Variants in RBM44 observed in about 807,000 individuals in gnomAD.
The protein encoded by RBM44 is RNA binding motif protein 44.
A neutral mutation model predicts 105.1 loss-of-function variants in RBM44; 66 were observed. The ratio of observed to expected loss-of-function variants is 0.63; its 90% CI spans 0.52 to 0.77. The LOEUF (loss-of-function observed/expected upper bound fraction) is 0.77. Ranked by LOEUF, RBM44 falls within the 30% of genes least tolerant of loss-of-function variation. RBM44 has a pLI of 0.00. For synonymous variants in RBM44, 365 were observed against 417.6 expected (o/e 0.87, Z 1.54); for missense variants, 1,122 against 1,207.8 (o/e 0.93, Z 1.05).
Position 237,834,319 on chromosome 2 carries a change from A to G in RBM44, c.3074A>G (p.His1025Arg). The G allele has an allele frequency of 1.9e-6, 3 of 1,580,030 alleles. No individual in the cohort carries two copies. Among genetic ancestry groups the G allele is most frequent in the Non-Finnish European group, 2.6e-6 (3 of 1,161,788 alleles). ...INALQEVRIR[H>R]KGFLNGLSIT... is the part of the protein sequence containing the mutation. ...GCACTTCAGGAAGTGAGAATAAGACATAAAGGTTTTCTGAATGGCTTATCT... is the reference window on the plus strand; with the variant it reads ...GCACTTCAGGAAGTGAGAATAAGACGTAAAGGTTTTCTGAATGGCTTATCT... Residue 1025 changes from histidine to arginine, a missense_variant, in exon 15 of 16, where the codon CAT (histidine) becomes CGT (arginine). Physicochemically the swap from His to Arg is conservative, Grantham distance 29. Transcript: ENST00000316997.
chr2:237,821,659 T>C, intron 7 of RBM44, 84 bp from the exon 8 acceptor site: 1 of 964,072 alleles, frequency 1.0e-6, no homozygotes, highest in African/African-American at 1.6e-5. Flanking sequence ...TTAGCTACTT[T>C]GAAATATACA....
intron 13 of RBM44, among the ~76,000 whole-genome samples, chr2:237,830,922 A>C (rs2061896778): frequency 7.9e-6 from 1 of 125,806 alleles, no homozygotes; most frequent in Non-Finnish European, 1.6e-5. Context: ...GTCTATCTAC[A>C]AAAAAAAAAA....
intron 13 of RBM44, among the ~76,000 whole-genome samples, chr2:237,833,127 G>A (rs1446164360): frequency 2.9e-4 from 44 of 152,164 alleles, no homozygotes; most frequent in Admixed American, 2.9e-3. Flanking sequence ...CATACCAACT[G>A]TGTACACTAT....
At chr2:237,831,290 TG>T (rs1347926090) in intron 13 of RBM44, among the ~76,000 whole-genome samples, 5 of 151,726 alleles carry the variant, frequency 3.3e-5, no homozygotes, top group African/African-American at 4.8e-5. Context: ...TGTTTTGTTT[TG>T]TTTTTTTGAG....
In RBM44 at chr2:237,824,633, A is replaced by G. The variant is rs536007249; in HGVS notation, c.2449+214A>G. 2.0e-4 allele frequency among the ~76,000 whole-genome samples: 31 copies of G among 152,298 alleles called. No individual in the cohort carries two copies. In the South Asian group the frequency reaches 5.2e-3, roughly 25 times the overall value. ...TGCTAAAAGCTTAAATCCAAGATTT[A>G]GTTAACAGGTAGATACCCGCATTCT... On this transcript the variant is annotated intron_variant, in intron 10 of 15. Coordinates refer to ENST00000316997, the MANE Select transcript of RBM44 (RefSeq NM_001080504.3).
chr2:237,831,137 A>T (rs1478574267), intron 13 of RBM44, among the ~76,000 whole-genome samples: 1 of 147,808 alleles, frequency 6.8e-6, no homozygotes, highest in Admixed American at 6.8e-5. Context: ...CCACTCACAG[A>T]CCTTCGCCTG....
intron 13 of RBM44, among the ~76,000 whole-genome samples, chr2:237,831,521 C>A (rs1439565733): frequency 6.6e-6 from 1 of 152,064 alleles, no homozygotes; most frequent in Admixed American, 6.6e-5. Flanking sequence ...GACCTCAAGT[C>A]ATCTGCTCAC....
At chr2:237,834,509 AT>A (rs2061937280) in intron 15 of RBM44, 86 bp downstream of exon 15, 1 of 633,306 alleles carries the variant, frequency 1.6e-6, no homozygotes, top group Admixed American at 3.9e-5. Context: ...TAAAAAACAT[AT>A]TAAATTTAAA....
In RBM44 at chr2:237,818,628, G is replaced by A. The variant is rs749616991; in HGVS notation, c.1677+32G>A. On this transcript the variant is annotated intron_variant, in intron 3 of 15. Transcript: ENST00000316997. This position sits in a 1 kb window ranked among gnomAD's most constrained non-coding sequence, Gnocchi z 4.6. ...TCAATATGAGTAATAATAAAATTTG[G>A]ACTTTATAAAGAGACAGTGTATGCT... is the stretch of plus-strand genomic sequence containing the variant. 76 of 1,404,270 alleles carry A rather than the reference G, an allele frequency of 5.4e-5. No homozygotes were observed. The highest frequency in any genetic ancestry group is 6.6e-5 in the Non-Finnish European group (70 of 1,056,576). The allele number at this position is 1,404,270 out of a possible 1,614,324, so 87.0% of individuals were successfully genotyped here. A position where few individuals can be genotyped will look rare whatever the true frequency, so the allele number is the denominator to read the frequency against.
At chr2:237,799,177 A>G (rs2061518876) in intron 1 of RBM44, 1 of 152,306 alleles carries the variant, frequency 6.6e-6, no homozygotes, top group African/African-American at 2.4e-5. Flanking sequence ...GGGGAAAGCT[A>G]GAAATTCGCA....
chr2:237,838,246 G>A (rs570609702), intron 15 of RBM44, among the ~76,000 whole-genome samples: 7 of 152,276 alleles, frequency 4.6e-5, no homozygotes, highest in Admixed American at 4.6e-4. Context: ...CGCAACAGAA[G>A]TCACCAAACA....
rs772831556 is a variant in RBM44 at position 237,818,728 on chromosome 2, G to T, written c.1677+132G>T. On this transcript the variant is annotated intron_variant, in intron 3 of 15. Transcript: ENST00000316997. This position sits in a 1 kb window ranked among gnomAD's most constrained non-coding sequence, Gnocchi z 4.6. The stretch of plus-strand genomic sequence containing the variant: ...TAGATGAGGGGAGTAAATTAAAAAG[G>T]GAGTAAATTAAAAAGTAAATTAAAA... The T allele has an allele frequency of 1.4e-6, 1 of 697,882 alleles. No individual in the cohort carries two copies. The highest frequency in any genetic ancestry group is 2.3e-6 in the Non-Finnish European group (1 of 436,696). 43.2% of individuals were successfully genotyped at this position (697,882 alleles called of 1,614,324 possible).
At position 237,827,490 on chromosome 2, in the gene RBM44, TCTA is replaced by T; in HGVS notation, c.2591_2593del (p.Thr864del). On this transcript the variant is annotated inframe_deletion, in exon 12 of 16. Transcript: ENST00000316997. ...AGTTTCTGAAATTTCAATTTATGAT[TCTA>T]CTAATTACAGGTGTGTTTCCCAACT... 6.7e-7 allele frequency: 1 copy of T among 1,501,992 alleles called. No homozygotes were observed. Among genetic ancestry groups the T allele is most frequent in the Non-Finnish European group, 9.1e-7 (1 of 1,103,494 alleles). The allele number at this position is 1,501,992 out of a possible 1,614,324, so 93.0% of individuals were successfully genotyped here.
chr2:237,834,747 T>C (rs935022183), intron 15 of RBM44: 1 of 160,034 alleles, frequency 6.2e-6, no homozygotes, highest in East Asian at 1.8e-4. Context: ...TTCAGAGGCT[T>C]CCCTGAGACC....
rs533870556 is a variant in RBM44, at chr2:237,813,588, C to G, written c.-18-4C>G. 4.0e-6 allele frequency: 6 copies of G among 1,512,262 alleles called. No individual in the cohort carries two copies. In the East Asian group the frequency reaches 9.0e-5, roughly 23 times the overall value. The allele number at this position is 1,512,262 out of a possible 1,614,324, so 93.7% of individuals were successfully genotyped here. A position where few individuals can be genotyped will look rare whatever the true frequency, so the allele number is the denominator to read the frequency against. On this transcript the variant is annotated splice_polypyrimidine_tract_variant and splice_region_variant and intron_variant, in intron 1 of 15. Transcript: ENST00000316997. ...TAATAGTTCAATATTTATACCTTTTCTAGATTATATATCTTTGAATGATGC... is the reference window on the plus strand; with the variant it reads ...TAATAGTTCAATATTTATACCTTTTGTAGATTATATATCTTTGAATGATGC...
At chr2:237,835,632 G>A (rs912663895) in intron 15 of RBM44, among the ~76,000 whole-genome samples, 10 of 152,200 alleles carry the variant, frequency 6.6e-5, no homozygotes, top group Non-Finnish European at 1.5e-4. Context: ...ATTGCCTTAA[G>A]CCAAAGCCTA....
Position 237,818,143 on chromosome 2 carries a change from T to G in RBM44, c.1224T>G (p.Asp408Glu), listed in dbSNP as rs1445572673. 2 of 1,612,996 alleles carry G rather than the reference T, an allele frequency of 1.2e-6. No individual in the cohort carries two copies. Reference sequence around the variant, plus strand: ...AAAACACTGCTGACTCAGCCTTAGATTTTTCTGCTATGCTACCAAAGATCG... The same window carrying G: ...AAAACACTGCTGACTCAGCCTTAGAGTTTTCTGCTATGCTACCAAAGATCG... ...SLQNTADSAL[D>E]FSAMLPKIAV... The change falls in exon 3 of 16, where the codon GAT becomes GAG. Residue 408 changes from aspartate (D) to glutamate (E), a missense_variant. Physicochemically the swap from Asp to Glu is conservative, Grantham distance 45. This residue lies in a region of RBM44 where 918 missense variants were observed against 955.3 expected (regional missense o/e 0.96). Coordinates refer to ENST00000316997, the MANE Select transcript of RBM44 (RefSeq NM_001080504.3). This position sits in a 1 kb window ranked among gnomAD's most constrained non-coding sequence, Gnocchi z 4.6.
At position 237,817,333 on chromosome 2, in the gene RBM44, G is replaced by GA. The variant is rs1307401495; in HGVS notation, c.420dup (p.Glu141ArgfsTer6). The GA allele has an allele frequency of 1.2e-6, 2 of 1,600,984 alleles. No homozygotes were observed. The highest frequency in any genetic ancestry group is 1.7e-6 in the Non-Finnish European group (2 of 1,174,850). Reference sequence around the variant, plus strand: ...GTTCAGAATTAGATCCTGAAGTGCAGAAAAAAGAGGAGGTTTTTTTTAATA... The same window carrying GA: ...GTTCAGAATTAGATCCTGAAGTGCAGAAAAAAAGAGGAGGTTTTTTTTAATA... On this transcript the variant is annotated frameshift_variant, in exon 3 of 16. Transcript: ENST00000316997. LOFTEE classifies it high-confidence loss of function.
chr2:237,802,594 A>T (rs1238454410), intron 1 of RBM44, among the ~76,000 whole-genome samples: 1 of 152,314 alleles, frequency 6.6e-6, no homozygotes, highest in African/African-American at 2.4e-5. Flanking sequence ...AGTGATTCTT[A>T]TATCAGGTAA....
Sources: allele counts gnomAD v4.1 joint callset (sites outside exome capture counted in the v4.1 genomes callset), GRCh38; gene constraint gnomAD v4.1.1; regional missense constraint gnomAD v4.1.1; non-coding constraint Gnocchi (gnomAD v3.1); transcripts MANE v1.5; gene names NCBI Gene and HGNC (gene_info 2026-07-23, HGNC 2026-07-21).